Variants in ARHGAP6 observed in about 807,000 individuals in gnomAD.
ARHGAP6 encodes the protein rho GTPase-activating protein 6.
In ARHGAP6, 16 loss-of-function variants were observed where a neutral mutation model predicts 55.7. The observed-to-expected ratio is 0.29, with a 90% CI of 0.19 to 0.44. The LOEUF is 0.44. Among genes scored for constraint, ARHGAP6 ranks in the 20% least tolerant of loss-of-function variants. ARHGAP6 has a pLI of 1.00. For synonymous variants in ARHGAP6, 382 were observed against 360.9 expected (o/e 1.06, Z -0.66); for missense variants, 698 against 808.9 (o/e 0.86, Z 1.66).
chrX:11,296,913 C>A, intron 1 of ARHGAP6: 1 of 1,087,234 alleles, frequency 9.2e-7, no homozygotes, highest in Non-Finnish European at 1.3e-6. Flanking sequence ...ATTCTTTATC[C>A]CAGATGTTTC....
intron 2 of ARHGAP6, among the ~76,000 whole-genome samples, chrX:11,241,301 C>A (rs945309885): frequency 3.6e-5 from 4 of 110,077 alleles, no homozygotes; most frequent in Non-Finnish European, 7.6e-5. Flanking sequence ...ATTACCCTAT[C>A]CCTTTTAATG....
intron 5 of ARHGAP6, among the ~76,000 whole-genome samples, chrX:11,185,150 G>C (rs1475454141): frequency 4.8e-5 from 5 of 103,868 alleles, no homozygotes; most frequent in Non-Finnish European, 9.7e-5. Context: ...GACTGTGTGT[G>C]TGTGTGTGTG....
chrX:11,535,399 G>A (rs1045855725), intron 1 of ARHGAP6, among the ~76,000 whole-genome samples: 2 of 111,999 alleles, frequency 1.8e-5, no homozygotes, highest in African/African-American at 6.5e-5. Context: ...ACTTTAATGT[G>A]ATGTTCTGCA....
At chrX:11,411,183 TTATATATATATATATA>T (rs201875323) in intron 1 of ARHGAP6, among the ~76,000 whole-genome samples, 1,025 of 31,787 alleles carry the variant, frequency 0.032, 51 homozygotes, top group African/African-American at 0.062. Context: ...CAGACATTAT[TTATATATATATATATA>T]TATATATATA....
intron 1 of ARHGAP6, among the ~76,000 whole-genome samples, chrX:11,255,418 T>C (rs190725784): frequency 6.0e-4 from 66 of 109,927 alleles, no homozygotes; most frequent in Non-Finnish European, 1.7e-4. Flanking sequence ...TCTAGTATAA[T>C]ATATGAGAAT....
At position 11,664,919 on chromosome X, in the gene ARHGAP6, G is replaced by A. The variant is rs1303718248; in HGVS notation, c.-91C>T. ...GGAACCGAAAGGGACTCAGGCAAAG[G>A]TGCCAGGCGGGGCTGGCCCGGGGTT... is the stretch of plus-strand genomic sequence containing the variant. On this transcript the variant is annotated 5_prime_UTR_variant, in exon 1 of 13. Coordinates refer to ENST00000337414, the MANE Select transcript of ARHGAP6 (RefSeq NM_013427.3). 9 of 934,022 alleles carry A rather than the reference G, an allele frequency of 9.6e-6. No homozygotes were observed. Among genetic ancestry groups the A allele is most frequent in the South Asian group, 5.1e-5 (2 of 39,048 alleles). The allele number at this position is 934,022 out of a possible 1,213,427, so 77.0% of individuals were successfully genotyped here. A position where few individuals can be genotyped will look rare whatever the true frequency, so the allele number is the denominator to read the frequency against.
At chrX:11,316,276 T>C (rs889474986) in intron 1 of ARHGAP6, among the ~76,000 whole-genome samples, 17 of 112,052 alleles carry the variant, frequency 1.5e-4, no homozygotes, top group Non-Finnish European at 2.6e-4. Flanking sequence ...AAAATCCAGA[T>C]TGTCAATAAG....
chrX:11,213,056 A>G (rs1255009517), intron 2 of ARHGAP6, among the ~76,000 whole-genome samples: 1 of 112,557 alleles, frequency 8.9e-6, no homozygotes, highest in African/African-American at 3.2e-5. Flanking sequence ...TGTTCCCACA[A>G]TATTCCAGCT....
intron 2 of ARHGAP6, among the ~76,000 whole-genome samples, chrX:11,198,976 C>A (rs766506073): frequency 2.0e-4 from 23 of 112,241 alleles, no homozygotes; most frequent in Non-Finnish European, 4.1e-4. Flanking sequence ...TCTGTTCATG[C>A]ATTTGTAAAG....
intron 1 of ARHGAP6, chrX:11,298,824 C>T: frequency 8.3e-7 from 1 of 1,211,009 alleles, no homozygotes; most frequent in Non-Finnish European, 1.1e-6. Context: ...CCAGCCCATG[C>T]AGCCCCAGCC....
chrX:11,275,567 C>G (rs538293379), intron 1 of ARHGAP6, among the ~76,000 whole-genome samples: 2 of 111,875 alleles, frequency 1.8e-5, no homozygotes, highest in African/African-American at 6.5e-5. Context: ...AGCACTTCCA[C>G]ACTCTTGTAG....
At chrX:11,368,449 G>T in intron 1 of ARHGAP6, among the ~76,000 whole-genome samples, 1 of 111,842 alleles carries the variant, frequency 8.9e-6, no homozygotes, top group Non-Finnish European at 1.9e-5. Flanking sequence ...ATATCTGTCA[G>T]AAGATCCCCG....
chrX:11,286,562 G>A (rs1177931258), intron 1 of ARHGAP6, among the ~76,000 whole-genome samples: 1 of 111,157 alleles, frequency 9.0e-6, no homozygotes, highest in Non-Finnish European at 1.9e-5. Context: ...TCAGTTCTTA[G>A]GTAACTGTAA....
Position 11,138,700 on chromosome X carries a change from G to C in ARHGAP6, c.*163C>G, listed in dbSNP as rs893814529. 4 of 538,059 alleles carry C rather than the reference G, an allele frequency of 7.4e-6. No homozygotes were observed. Among genetic ancestry groups the C allele is most frequent in the African/African-American group, 2.4e-5 (1 of 42,000 alleles). 44.3% of individuals were successfully genotyped at this position (538,059 alleles called of 1,213,427 possible). On this transcript the variant is annotated 3_prime_UTR_variant, in exon 13 of 13. Coordinates refer to ENST00000337414, the MANE Select transcript of ARHGAP6 (RefSeq NM_013427.3). ...AATGGAACCTTATTCTCAATGGCGGGGGCGTGAGTGCTCTACCTCTGTAGG... is the reference window on the plus strand; with the variant it reads ...AATGGAACCTTATTCTCAATGGCGGCGGCGTGAGTGCTCTACCTCTGTAGG...
chrX:11,656,458 A>C (rs2147203553), intron 1 of ARHGAP6, among the ~76,000 whole-genome samples: 1 of 112,366 alleles, frequency 8.9e-6, no homozygotes, highest in South Asian at 3.7e-4. Context: ...CAGAAGTCTC[A>C]CTGAGCTAGG....
chrX:11,556,766 T>C (rs1313684296), intron 1 of ARHGAP6, among the ~76,000 whole-genome samples: 1 of 112,021 alleles, frequency 8.9e-6, no homozygotes, highest in African/African-American at 3.2e-5. Context: ...AAAGTAGAAA[T>C]CACCCTACTT....
At chrX:11,185,027 A>T in intron 5 of ARHGAP6, among the ~76,000 whole-genome samples, 1 of 111,988 alleles carries the variant, frequency 8.9e-6, no homozygotes, top group Non-Finnish European at 1.9e-5. Flanking sequence ...AATCTTAAGT[A>T]TTTGTGTATC....
At chrX:11,221,400 T>C (rs1256632023) in intron 2 of ARHGAP6, 3 of 157,876 alleles carry the variant, frequency 1.9e-5, no homozygotes, top group Admixed American at 1.4e-4. Flanking sequence ...AGGAGCTATT[T>C]GTAGTTTATG....
chrX:11,193,926 T>G (rs944845873), intron 3 of ARHGAP6, among the ~76,000 whole-genome samples: 6 of 112,811 alleles, frequency 5.3e-5, no homozygotes, highest in Non-Finnish European at 1.9e-5. Context: ...CCTGCAAAAA[T>G]GCTCATTCTG....
Sources: allele counts gnomAD v4.1 joint callset (sites outside exome capture counted in the v4.1 genomes callset), GRCh38; gene constraint gnomAD v4.1.1; transcripts MANE v1.5; gene names NCBI Gene and HGNC (gene_info 2026-07-23, HGNC 2026-07-21).